The following PDE1C variants were observed in gnomAD, a reference collection of about 807,000 sequenced individuals.
PDE1C encodes phosphodiesterase 1C.
Under a neutral mutation model 93.1 loss-of-function variants are expected in PDE1C, and 62 were observed. The observed-to-expected ratio is 0.67, with a 90% confidence interval of 0.54 to 0.82. The LOEUF (loss-of-function observed/expected upper bound fraction) is 0.82. PDE1C is among the 40% of genes least tolerant of loss of function. PDE1C has a pLI of 0.00. For missense variants in PDE1C, 742 were observed against 884.6 expected, an observed-to-expected ratio of 0.84 and a Z score of 2.04; for synonymous variants, 325 against 310.1, an observed-to-expected ratio of 1.05 and a Z score of -0.50.
chr7:31,648,775 T>C, the PDE1C span, among the ~76,000 whole-genome samples: 1 of 152,196 alleles, frequency 6.6e-6, no homozygotes, highest in Non-Finnish European at 1.5e-5. Context: ...CTCAAACAGC[T>C]CGCTGCTAAG....
chr7:32,249,916 T>A (rs1809241720), intron 1 of PDE1C, among the ~76,000 whole-genome samples: 1 of 152,176 alleles, frequency 6.6e-6, no homozygotes, highest in African/African-American at 2.4e-5. Flanking sequence ...AGGTAGAGTA[T>A]CAAATAAAGA....
intron 1 of PDE1C, among the ~76,000 whole-genome samples, chr7:32,279,198 A>C (rs1013131221): frequency 4.6e-5 from 7 of 152,212 alleles, no homozygotes; most frequent in African/African-American, 1.7e-4. Context: ...CCATTTCACA[A>C]GTGACTCTCA....
At chr7:31,733,490 G>A in the PDE1C span, among the ~76,000 whole-genome samples, 283 of 152,290 alleles carry the variant, frequency 1.9e-3, 1 homozygote, top group African/African-American at 6.4e-3. Context: ...AGAGGCTGAC[G>A]TGCAGAGAAT....
intron 2 of PDE1C, among the ~76,000 whole-genome samples, chr7:32,019,549 C>T (rs979408082): frequency 6.6e-6 from 1 of 152,216 alleles, no homozygotes; most frequent in South Asian, 2.1e-4. Context: ...AAAGATTATT[C>T]TGGCTTCAGT....
chr7:32,100,757 C>T lies in PDE1C; in HGVS notation c.308+69028G>A, dbSNP rs182133495. ...AGATATGTACACACCTGTTTTCCTG[C>T]TCCTGAATTTCTCTTTGATGAAAAA... On this transcript the variant is annotated intron_variant, in intron 3 of 18. Transcript: ENST00000396193. 1.7e-3 allele frequency among the ~76,000 whole-genome samples: 260 copies of T among 152,340 alleles called. 1 individual carries two copies. Among genetic ancestry groups the T allele is most frequent in the African/African-American group, 5.5e-3 (230 of 41,576 alleles).
intron 1 of PDE1C, among the ~76,000 whole-genome samples, chr7:32,322,223 G>A (rs1033475682): frequency 6.6e-6 from 1 of 152,208 alleles, no homozygotes; most frequent in African/African-American, 2.4e-5. Context: ...CAGATAGCCT[G>A]GCTCTAGAGC....
At chr7:31,673,584 C>A in the PDE1C span, among the ~76,000 whole-genome samples, 6 of 151,862 alleles carry the variant, frequency 4.0e-5, no homozygotes, top group Non-Finnish European at 7.4e-5. Flanking sequence ...ACCTCTATTT[C>A]TTTTTTACAT....
chr7:32,297,988 TC>T lies in PDE1C; in HGVS notation c.85+662del, dbSNP rs1562660052. Among the ~76,000 whole-genome samples, 59 of 43,316 alleles carry T rather than the reference TC, an allele frequency of 1.4e-3. 1 individual carries two copies. Among genetic ancestry groups the T allele is most frequent in the African/African-American group, 3.6e-3 (52 of 14,366 alleles). The allele number at this position is 43,316 out of a possible 152,430, so 28.4% of individuals were successfully genotyped here. A position where few individuals can be genotyped will look rare whatever the true frequency, so the allele number is the denominator to read the frequency against. On this transcript the variant is annotated intron_variant, in intron 1 of 18. Coordinates refer to the PDE1C transcript ENST00000396193. ...CTCTCTCTCTCTCTCTCTCTCTCTC[TC>T]TCTCTCTCCTCTCTCTCTCTCTCTC...
the PDE1C span, among the ~76,000 whole-genome samples, chr7:31,644,403 TAAG>T: frequency 2.0e-5 from 3 of 152,246 alleles, no homozygotes; most frequent in Admixed American, 1.3e-4. Flanking sequence ...TAGGATTAAA[TAAG>T]AAGAACCCTG....
rs375947511 is a variant in PDE1C at position 32,079,822 on chromosome 7, G to A, written c.308+89963C>T. ...GGCACAACATCACTTCTGCTACACT[G>A]GGTTGGTTAAAGCAATCACAGAGCT... On this transcript the variant is annotated intron_variant, in intron 3 of 18. Coordinates refer to the PDE1C transcript ENST00000396193. 1.1e-4 allele frequency among the ~76,000 whole-genome samples: 16 copies of A among 152,300 alleles called. No homozygotes were observed. In the South Asian group the frequency reaches 3.3e-3, roughly 32 times the overall value.
At chr7:32,167,560 C>A (rs1802377309) in intron 3 of PDE1C, among the ~76,000 whole-genome samples, 1 of 152,078 alleles carries the variant, frequency 6.6e-6, no homozygotes, top group Non-Finnish European at 1.5e-5. Context: ...GGACAAAAGG[C>A]ATAACAGGAT....
chr7:32,208,137 G>T (rs1343463925), intron 2 of PDE1C, among the ~76,000 whole-genome samples: 1 of 152,212 alleles, frequency 6.6e-6, no homozygotes, highest in Non-Finnish European at 1.5e-5. Context: ...AGCACTTCAT[G>T]CTCTTTCATT....
the PDE1C span, chr7:31,707,253 C>A: frequency 2.0e-5 from 32 of 1,613,766 alleles, no homozygotes; most frequent in African/African-American, 3.3e-4. Context: ...TGGAAGATGA[C>A]GAAAAGGATG....
intron 7 of PDE1C, among the ~76,000 whole-genome samples, chr7:31,862,635 A>G (rs2128831266): frequency 6.6e-6 from 1 of 152,306 alleles, no homozygotes; most frequent in Admixed American, 6.5e-5. Flanking sequence ...CACTAATCCC[A>G]TTCACGACAG....
At chr7:31,672,700 T>C in the PDE1C span, among the ~76,000 whole-genome samples, 1 of 152,194 alleles carries the variant, frequency 6.6e-6, no homozygotes, top group Non-Finnish European at 1.5e-5. Flanking sequence ...GAGCTTGCCA[T>C]AGCAAGTCCA....
chr7:31,707,214 G>A, the PDE1C span: 3 of 1,613,860 alleles, frequency 1.9e-6, no homozygotes, highest in Non-Finnish European at 2.5e-6. Flanking sequence ...GTGTGACATT[G>A]CTCAGGGACG....
chr7:31,902,140 A>G (rs1800056170), intron 2 of PDE1C, among the ~76,000 whole-genome samples: 1 of 151,658 alleles, frequency 6.6e-6, no homozygotes, highest in African/African-American at 2.4e-5. Flanking sequence ...ACAACTTATA[A>G]TTGTAAAAGA....
At chr7:32,088,504 G>A (rs1584740047) in intron 3 of PDE1C, among the ~76,000 whole-genome samples, 1 of 152,244 alleles carries the variant, frequency 6.6e-6, no homozygotes, top group African/African-American at 2.4e-5. Flanking sequence ...CCGCCAAGGC[G>A]GCCGGAGCCC....
At chr7:32,338,741 C>A (rs912291844) in intron 1 of PDE1C, among the ~76,000 whole-genome samples, 1 of 152,188 alleles carries the variant, frequency 6.6e-6, no homozygotes, top group Admixed American at 6.5e-5. Flanking sequence ...CGGTGGCTCA[C>A]GCCTGTAATC....
Sources: allele counts gnomAD v4.1 joint callset (sites outside exome capture counted in the v4.1 genomes callset), GRCh38; gene constraint gnomAD v4.1.1; transcripts MANE v1.5; gene names NCBI Gene and HGNC (gene_info 2026-07-23, HGNC 2026-07-21).